The following TOP6BL variants were observed in gnomAD, a reference collection of about 807,000 sequenced individuals.
TOP6BL encodes type 2 DNA topoisomerase 6 subunit B-like.
the TOP6BL span, chr11:66,762,593 C>T: frequency 1.1e-5 from 2 of 176,470 alleles, no homozygotes; most frequent in African/African-American, 4.8e-5. Flanking sequence ...GCCTCAACCT[C>T]CTGAGTAGCT....
chr11:66,747,502 C>T, the TOP6BL span, among the ~76,000 whole-genome samples: 1 of 151,640 alleles, frequency 6.6e-6, no homozygotes, highest in Non-Finnish European at 1.5e-5. Flanking sequence ...TGAGCCACTG[C>T]GCTCAGCGTT....
At chr11:66,752,762 G>A in the TOP6BL span, among the ~76,000 whole-genome samples, 1 of 152,100 alleles carries the variant, frequency 6.6e-6, no homozygotes, top group South Asian at 2.1e-4. Context: ...CTCTCTGTAA[G>A]CTTTTAGAAT....
chr11:66,816,774 T>C, the TOP6BL span, among the ~76,000 whole-genome samples: 1 of 152,154 alleles, frequency 6.6e-6, no homozygotes, highest in Non-Finnish European at 1.5e-5. Flanking sequence ...ATGGAGGTCT[T>C]GCTTTGTTGC....
At chr11:66,774,442 T>G in the TOP6BL span, among the ~76,000 whole-genome samples, 1 of 151,876 alleles carries the variant, frequency 6.6e-6, no homozygotes, top group Non-Finnish European at 1.5e-5. Flanking sequence ...TCGTCTTTGG[T>G]GTTTCTTTGT....
chr11:66,748,410 G>A, the TOP6BL span: 1 of 1,542,712 alleles, frequency 6.5e-7, no homozygotes, highest in Non-Finnish European at 8.8e-7. Context: ...CACTGGAAGT[G>A]TGACATAGAT....
the TOP6BL span, chr11:66,796,194 A>T: frequency 3.0e-6 from 3 of 996,030 alleles, no homozygotes; most frequent in Non-Finnish European, 4.5e-6. Context: ...AGGTATAGTT[A>T]CTTTTAGAAG....
chr11:66,803,921 T>C, the TOP6BL span: 1 of 1,313,426 alleles, frequency 7.6e-7, no homozygotes, highest in African/African-American at 1.5e-5. Context: ...GTTACAAAAA[T>C]AATTTTGAAT....
chr11:66,802,183 G>T, the TOP6BL span, among the ~76,000 whole-genome samples: 1 of 150,192 alleles, frequency 6.7e-6, no homozygotes, highest in South Asian at 2.1e-4. Flanking sequence ...TTTTTGAGAC[G>T]GAGTCTCGCT....
chr11:66,841,642 T>C, the TOP6BL span, among the ~76,000 whole-genome samples: 1 of 152,210 alleles, frequency 6.6e-6, no homozygotes, highest in Non-Finnish European at 1.5e-5. Flanking sequence ...TTTATTGGCT[T>C]CCTGTCTTCT....
the TOP6BL span, among the ~76,000 whole-genome samples, chr11:66,746,146 T>C: frequency 6.6e-6 from 1 of 152,100 alleles, no homozygotes; most frequent in African/African-American, 2.4e-5. Context: ...TGTGAAGGAA[T>C]AGTTAGACTC....
chr11:66,751,473 G>T, the TOP6BL span, among the ~76,000 whole-genome samples: 1 of 150,876 alleles, frequency 6.6e-6, no homozygotes, highest in Non-Finnish European at 1.5e-5. Context: ...GATTATAGGC[G>T]TGAGCCACCG....
chr11:66,833,880 G>A, the TOP6BL span, among the ~76,000 whole-genome samples: 857 of 152,058 alleles, frequency 5.6e-3, 3 homozygotes, highest in Admixed American at 0.011. Flanking sequence ...TCTAGGGGGC[G>A]GAGGTTGCAG....
At chr11:66,837,438 A>T in the TOP6BL span, among the ~76,000 whole-genome samples, 2 of 142,780 alleles carry the variant, frequency 1.4e-5, no homozygotes, top group East Asian at 4.1e-4. Flanking sequence ...AGAAGCACAA[A>T]TTTTTAATTT....
the TOP6BL span, chr11:66,815,842 CAT>C: frequency 2.1e-6 from 1 of 470,124 alleles, no homozygotes; most frequent in East Asian, 3.2e-5. Flanking sequence ...ATTTTACACA[CAT>C]AGTTACTATT....
chr11:66,807,895 TA>T, the TOP6BL span, among the ~76,000 whole-genome samples: 1 of 152,226 alleles, frequency 6.6e-6, no homozygotes, highest in Non-Finnish European at 1.5e-5. Context: ...GAACCTGAAA[TA>T]AATTACTCTT....
the TOP6BL span, among the ~76,000 whole-genome samples, chr11:66,745,877 C>T: frequency 3.3e-5 from 5 of 152,216 alleles, no homozygotes; most frequent in Admixed American, 6.5e-5. Flanking sequence ...GTGGCGTGAT[C>T]CCGGCTCACC....
chr11:66,822,654 A>T, the TOP6BL span: 7 of 1,549,194 alleles, frequency 4.5e-6, no homozygotes, highest in Non-Finnish European at 6.1e-6. Flanking sequence ...CTTCCGAAAG[A>T]TGTGTCTCCA....
the TOP6BL span, chr11:66,816,039 A>G: frequency 6.3e-7 from 1 of 1,583,846 alleles, no homozygotes; most frequent in African/African-American, 1.3e-5. Context: ...TTCGTGTAAT[A>G]TCTTGTCCTC....
the TOP6BL span, among the ~76,000 whole-genome samples, chr11:66,825,987 G>A: frequency 7.2e-5 from 11 of 151,928 alleles, no homozygotes; most frequent in East Asian, 1.9e-4. Context: ...GACTACAGGC[G>A]CCCGCCACCA....
Sources: gnomAD v4.1 joint callset for allele counts (sites outside exome capture counted in the v4.1 genomes callset) on GRCh38, gnomAD v4.1.1 for gene constraint, MANE v1.5 for transcripts, NCBI Gene and HGNC (gene_info 2026-07-23, HGNC 2026-07-21) for gene names.